COL26A1: variants seen among roughly 807,000 people sequenced by gnomAD.
COL26A1 encodes the protein collagen alpha-1(XXVI) chain.
Under a neutral mutation model 59.3 loss-of-function variants are expected in COL26A1, and 41 were observed. The ratio of observed to expected loss-of-function variants is 0.69; its 90% confidence interval spans 0.54 to 0.90. COL26A1 has a LOEUF of 0.90. Among genes scored for constraint, COL26A1 ranks in the 40% least tolerant of loss-of-function variants. COL26A1 has a pLI of 0.00. For missense variants in COL26A1, 612 were observed against 602.3 expected (o/e 1.02, Z -0.17); for synonymous variants, 266 against 256.0 (o/e 1.04, Z -0.37).
intron 1 of COL26A1, among the ~76,000 whole-genome samples, chr7:101,389,816 G>T (rs9648923): frequency 0.15 from 22,144 of 152,026 alleles, 1,823 homozygotes; most frequent in South Asian, 0.19. Context: ...GCCTCCCAAA[G>T]TGCTGGGATT....
chr7:101,424,201 A>AAAAT (rs1792589548), intron 2 of COL26A1, among the ~76,000 whole-genome samples: 1 of 152,174 alleles, frequency 6.6e-6, no homozygotes, highest in Admixed American at 6.5e-5. Flanking sequence ...ACCGTGTCTG[A>AAAAT]AAATAAATAA....
At chr7:101,509,840 G>A in intron 3 of COL26A1, among the ~76,000 whole-genome samples, 1 of 151,268 alleles carries the variant, frequency 6.6e-6, no homozygotes, top group Admixed American at 6.6e-5. Flanking sequence ...TGCTTCTTCT[G>A]CCTCAGTCTC....
chr7:101,470,263 C>G (rs948313464), intron 3 of COL26A1, among the ~76,000 whole-genome samples: 5 of 151,914 alleles, frequency 3.3e-5, no homozygotes, highest in Non-Finnish European at 7.4e-5. Context: ...CCATGTCCAG[C>G]TAATTTTTTG....
chr7:101,466,846 G>A (rs1211580502), intron 3 of COL26A1, among the ~76,000 whole-genome samples: 1 of 150,882 alleles, frequency 6.6e-6, no homozygotes, highest in East Asian at 1.9e-4. Flanking sequence ...GTGAGAGAGA[G>A]AGATTCAGTC....
At chr7:101,501,166 A>T (rs898028504) in intron 3 of COL26A1, among the ~76,000 whole-genome samples, 13 of 143,318 alleles carry the variant, frequency 9.1e-5, no homozygotes, top group Non-Finnish European at 1.5e-4. Flanking sequence ...AGCCTGGGCT[A>T]CAGGGCGAGA....
intron 3 of COL26A1, among the ~76,000 whole-genome samples, chr7:101,467,940 T>A (rs750123694): frequency 3.3e-5 from 5 of 152,142 alleles, no homozygotes; most frequent in Non-Finnish European, 7.3e-5. Context: ...AACCCTTTTC[T>A]ATTGGCACGG....
intron 3 of COL26A1, among the ~76,000 whole-genome samples, chr7:101,529,572 G>T (rs1298453429): frequency 6.6e-6 from 1 of 152,044 alleles, no homozygotes; most frequent in Non-Finnish European, 1.5e-5. Flanking sequence ...TCACCCAAAT[G>T]TTGAACACTG....
intron 1 of COL26A1, among the ~76,000 whole-genome samples, chr7:101,363,577 C>T (rs1399152076): frequency 9.0e-5 from 10 of 110,738 alleles, no homozygotes; most frequent in Non-Finnish European, 1.8e-4. Context: ...GCAGCTGGAA[C>T]GAGCGATGGA....
intron 2 of COL26A1, among the ~76,000 whole-genome samples, chr7:101,434,079 TCCCTCC>T (rs1562976928): frequency 0.061 from 1,876 of 30,674 alleles, 78 homozygotes; most frequent in Admixed American, 0.12. Context: ...CCTCCCTCCC[TCCCTCC>T]CTCCCTCTTT....
intron 7 of COL26A1, among the ~76,000 whole-genome samples, chr7:101,546,693 T>G (rs1274344569): frequency 2.6e-5 from 4 of 151,998 alleles, no homozygotes; most frequent in Admixed American, 2.6e-4. Context: ...GGAGATGGGT[T>G]GTTAAACAGA....
rs138023334 is a variant in COL26A1 at position 101,506,670 on chromosome 7, A to G, written c.386-26412A>G. On this transcript the variant is annotated intron_variant, in intron 3 of 12. Coordinates refer to ENST00000313669, the MANE Select transcript of COL26A1 (RefSeq NM_001278563.3). ...ACTGCAGAAGAGATTCCCTGACTGT[A>G]TTTGCTCCTTCTGATTAGTCAGTGG... 2.1e-3 allele frequency among the ~76,000 whole-genome samples: 320 copies of G among 152,246 alleles called. 3 individuals are homozygous for G. The highest frequency in any genetic ancestry group is 7.5e-3 in the African/African-American group (310 of 41,552).
At chr7:101,395,429 C>A (rs558284119) in intron 1 of COL26A1, among the ~76,000 whole-genome samples, 5 of 152,296 alleles carry the variant, frequency 3.3e-5, no homozygotes, top group African/African-American at 7.2e-5. Flanking sequence ...CTGTTTTGAT[C>A]CCACGGTGAA....
chr7:101,464,786 A>G (rs1022667431), intron 3 of COL26A1, among the ~76,000 whole-genome samples: 1 of 152,030 alleles, frequency 6.6e-6, no homozygotes, highest in African/African-American at 2.4e-5. Context: ...ATCATAGCTC[A>G]CTGCAGCCTC....
rs115909926 is a variant in COL26A1, at chr7:101,539,784, G to A, written c.448-109G>A. The A allele has an allele frequency of 5.4e-4, 620 of 1,146,840 alleles. 2 individuals carry two copies. In the African/African-American group the frequency reaches 6.2e-3, roughly 11 times the overall value. 71.0% of individuals were successfully genotyped at this position (1,146,840 alleles called of 1,614,324 possible). On this transcript the variant is annotated intron_variant, in intron 4 of 12. Transcript: ENST00000313669. ...AGGAGCGTGACGGGGCACACACAGC[G>A]TGGACAGCTGCAGGTCTCATGGGGT...
Position 101,387,766 on chromosome 7 carries a change from A to ATTT in COL26A1, c.158+24577_158+24578insTTT, listed in dbSNP as rs1443633156. On this transcript the variant is annotated intron_variant, in intron 1 of 12. Coordinates refer to ENST00000313669, the MANE Select transcript of COL26A1 (RefSeq NM_001278563.3). Reference sequence around the variant, plus strand: ...TATATATATATATTTATATATATATATATATATATATATTTTTTTTTAAGA... The same window carrying ATTT: ...TATATATATATATTTATATATATATATTTTATATATATATATTTTTTTTTAAGA... 2.9e-3 allele frequency among the ~76,000 whole-genome samples: 112 copies of ATTT among 38,714 alleles called. 1 individual carries two copies. The highest frequency in any genetic ancestry group is 7.2e-3 in the African/African-American group (106 of 14,734). 25.4% of individuals were successfully genotyped at this position (38,714 alleles called of 152,430 possible).
intron 3 of COL26A1, among the ~76,000 whole-genome samples, chr7:101,469,600 C>G (rs893796243): frequency 6.6e-6 from 1 of 152,000 alleles, no homozygotes; most frequent in African/African-American, 2.4e-5. Flanking sequence ...AGCAATTCTC[C>G]TGCATCAGCC....
intron 1 of COL26A1, among the ~76,000 whole-genome samples, chr7:101,413,964 G>A (rs1270719429): frequency 6.6e-6 from 1 of 152,226 alleles, no homozygotes; most frequent in Non-Finnish European, 1.5e-5. Flanking sequence ...GAGGTGCGCA[G>A]GTGGGCGGTG....
At chr7:101,412,576 C>T (rs1315830763) in intron 1 of COL26A1, among the ~76,000 whole-genome samples, 3 of 138,412 alleles carry the variant, frequency 2.2e-5, no homozygotes, top group South Asian at 4.8e-4. Context: ...ACCTGGGAGG[C>T]GGAGGTTGTA....
At chr7:101,550,435 T>G (rs1439710153) in intron 9 of COL26A1, among the ~76,000 whole-genome samples, 1 of 152,228 alleles carries the variant, frequency 6.6e-6, no homozygotes, top group Non-Finnish European at 1.5e-5. Flanking sequence ...CCCTCCAGCC[T>G]GGGTGACAGA....
Sources: allele counts gnomAD v4.1 joint callset (sites outside exome capture counted in the v4.1 genomes callset), GRCh38; gene constraint gnomAD v4.1.1; transcripts MANE v1.5; gene names NCBI Gene and HGNC (gene_info 2026-07-23, HGNC 2026-07-21).